ATOH8: variants seen among roughly 807,000 people sequenced by gnomAD.
ATOH8 encodes transcription factor ATOH8.
In ATOH8, 9 loss-of-function variants were observed where a neutral mutation model predicts 21.2. That is an observed-to-expected ratio of 0.42 (90% confidence interval 0.26 to 0.74). The LOEUF (loss-of-function observed/expected upper bound fraction) is 0.74. Ranked by LOEUF, ATOH8 falls within the 30% of genes least tolerant of loss-of-function variation. The probability of loss-of-function intolerance (pLI) is 0.24; values close to 1 mark genes in which losing one functional copy is unlikely to be tolerated. For synonymous variants in ATOH8, 253 were observed against 224.0 expected (o/e 1.13, Z -1.16); for missense variants, 524 against 470.9 (o/e 1.11, Z -1.04).
chr2:85,767,123 C>T (rs144493554), intron 2 of ATOH8, among the ~76,000 whole-genome samples: 7 of 89,802 alleles, frequency 7.8e-5, no homozygotes, highest in Admixed American at 3.7e-4. Flanking sequence ...GGAACCTCAC[C>T]GGTTTTATTT....
At position 85,764,052 on chromosome 2, in the gene ATOH8, A is replaced by G. The variant is rs1163461300; in HGVS notation, c.830A>G (p.Asn277Ser). The change falls in exon 2 of 3, where the codon AAC (asparagine) becomes AGC (serine). Residue 277 changes from asparagine (N) to serine (S), a missense_variant. By Grantham distance (46) the Asn-to-Ser change is conservative. Transcript: ENST00000306279. ...CTGGCCATCCTGAGGATCGCCTGTA[A>G]CTACATCCTGTCCCTGGCGCGGCTG... The part of the protein sequence containing the change: ...SKLAILRIAC[N>S]YILSLARLAD... 6.2e-7 allele frequency: 1 copy of G among 1,614,146 alleles called. No individual in the cohort carries two copies. The highest frequency in any genetic ancestry group is 1.1e-5 in the South Asian group (1 of 91,068).
intron 2 of ATOH8, among the ~76,000 whole-genome samples, chr2:85,776,847 C>T (rs1385140109): frequency 6.6e-6 from 1 of 152,036 alleles, no homozygotes; most frequent in Non-Finnish European, 1.5e-5. Flanking sequence ...TCTGGAGAGC[C>T]GTGACCGGGC....
Position 85,764,162 on chromosome 2 carries a change from G to A in ATOH8, c.940G>A (p.Gly314Arg), listed in dbSNP as rs372989892. The part of the protein sequence containing the change: ...QRCTRTLQAE[G>R]RAKKRKE ...CTGCACCCGCACCCTGCAGGCCGAG[G>A]GACGTGCCAAGAAGCGCAAGGTATG... Residue 314 changes from glycine (G) to arginine (R), a missense_variant, in exon 2 of 3, where the codon GGA (glycine) becomes AGA (arginine). Physicochemically the swap from Gly to Arg is moderately radical, Grantham distance 125 (BLOSUM62 -2). Coordinates refer to ENST00000306279, the MANE Select transcript of ATOH8 (RefSeq NM_032827.7). The A allele has an allele frequency of 9.9e-6, 16 of 1,614,016 alleles. No individual in the cohort carries two copies. The highest frequency in any genetic ancestry group is 4.2e-6 in the Non-Finnish European group (5 of 1,180,040).
intron 1 of ATOH8, among the ~76,000 whole-genome samples, chr2:85,757,724 TGAGAA>T (rs2104495601): frequency 6.6e-6 from 1 of 152,196 alleles, no homozygotes; most frequent in African/African-American, 2.4e-5. Context: ...CATCCAGTGT[TGAGAA>T]GAGAAAGTGA....
chr2:85,781,166 T>C (rs1337300099), intron 2 of ATOH8: 1 of 779,304 alleles, frequency 1.3e-6, no homozygotes, highest in Non-Finnish European at 1.6e-6. Context: ...AAATACTGTA[T>C]GTGAGTACGC....
intron 2 of ATOH8, chr2:85,773,819 G>T (rs1680256142): frequency 6.6e-6 from 1 of 152,572 alleles, no homozygotes; most frequent in South Asian, 2.1e-4. Context: ...CAGTTAGAGA[G>T]ATGGCAGCTC....
chr2:85,764,059 C>T lies in ATOH8; in HGVS notation c.837C>T (p.Ile279=), dbSNP rs541634572. ...TCCTGAGGATCGCCTGTAACTACAT[C>T]CTGTCCCTGGCGCGGCTGGCTGACC... ...LAILRIACNY[I]LSLARLADLD... The change falls in exon 2 of 3, where the codon ATC becomes ATT. Residue 279 remains isoleucine (I), a synonymous_variant. Coordinates refer to ENST00000306279, the MANE Select transcript of ATOH8 (RefSeq NM_032827.7). 10 of 1,614,224 alleles carry T rather than the reference C, an allele frequency of 6.2e-6. No individual in the cohort carries two copies. The Admixed American group carries it at 1.3e-4, about 22-fold the overall frequency.
chr2:85,756,235 C>T (rs1270176258), intron 1 of ATOH8, among the ~76,000 whole-genome samples: 1 of 152,072 alleles, frequency 6.6e-6, no homozygotes, highest in Non-Finnish European at 1.5e-5. Context: ...TGGGCCTCTG[C>T]CCTCATCCAC....
chr2:85,768,339 A>C (rs1680081554), intron 2 of ATOH8, among the ~76,000 whole-genome samples: 1 of 151,994 alleles, frequency 6.6e-6, no homozygotes, highest in Non-Finnish European at 1.5e-5. Flanking sequence ...CTTCACAGTC[A>C]CCCTCCTGGC....
intron 1 of ATOH8, among the ~76,000 whole-genome samples, chr2:85,761,514 G>A (rs1679871177): frequency 6.6e-6 from 1 of 152,130 alleles, no homozygotes; most frequent in Admixed American, 6.5e-5. Flanking sequence ...GTCACTTTGT[G>A]GTCCTACAGT....
At chr2:85,782,418 C>A (rs868553163) in intron 2 of ATOH8, among the ~76,000 whole-genome samples, 1 of 152,004 alleles carries the variant, frequency 6.6e-6, no homozygotes, top group Non-Finnish European at 1.5e-5. Flanking sequence ...AATTACCCTG[C>A]AGTGCACAGA....
At chr2:85,776,497 A>G (rs1680325107) in intron 2 of ATOH8, among the ~76,000 whole-genome samples, 1 of 152,246 alleles carries the variant, frequency 6.6e-6, no homozygotes, top group Non-Finnish European at 1.5e-5. Flanking sequence ...CCCATCAGGA[A>G]GGTGGGCAGA....
chr2:85,767,531 G>T (rs1032520277), intron 2 of ATOH8, among the ~76,000 whole-genome samples: 2 of 138,038 alleles, frequency 1.4e-5, no homozygotes, highest in African/African-American at 5.5e-5. Context: ...GCAAGAGATG[G>T]GAATCTCAAA....
At chr2:85,762,861 C>T (rs2104504058) in intron 1 of ATOH8, among the ~76,000 whole-genome samples, 3 of 152,206 alleles carry the variant, frequency 2.0e-5, no homozygotes, top group Admixed American at 2.0e-4. Context: ...CCCTGCAATG[C>T]CCCCACTCCC....
chr2:85,779,055 C>T (rs1265449515), intron 2 of ATOH8, among the ~76,000 whole-genome samples: 1 of 151,666 alleles, frequency 6.6e-6, no homozygotes, highest in Non-Finnish European at 1.5e-5. Context: ...CTCCTCCAGC[C>T]TGGGTGCCTC....
rs1054096899 is a variant in ATOH8 at position 85,788,465 on chromosome 2, T to C, written c.*1575T>C. 2.0e-5 allele frequency among the ~76,000 whole-genome samples: 3 copies of C among 152,152 alleles called. No individual in the cohort carries two copies. Among genetic ancestry groups the C allele is most frequent in the Admixed American group, 1.3e-4 (2 of 15,274 alleles). Reference sequence around the variant, plus strand: ...TGGGCTCACTTCAAATCCTGTGCTCTCAAACCTTTTCCAGCCCCATCACCA... The same window carrying C: ...TGGGCTCACTTCAAATCCTGTGCTCCCAAACCTTTTCCAGCCCCATCACCA... On this transcript the variant is annotated 3_prime_UTR_variant, in exon 3 of 3. Coordinates refer to ENST00000306279, the MANE Select transcript of ATOH8 (RefSeq NM_032827.7).
chr2:85,765,995 C>A (rs1680004741), intron 2 of ATOH8, among the ~76,000 whole-genome samples: 1 of 151,880 alleles, frequency 6.6e-6, no homozygotes, highest in African/African-American at 2.4e-5. Flanking sequence ...ATAGCACAGC[C>A]CCGAGTTCAA....
intron 2 of ATOH8, among the ~76,000 whole-genome samples, chr2:85,782,113 A>G (rs928380768): frequency 6.6e-6 from 1 of 152,148 alleles, no homozygotes. Context: ...CTCTCCTCCC[A>G]TGCCATATCT....
chr2:85,762,728 T>C (rs1679900498), intron 1 of ATOH8, among the ~76,000 whole-genome samples: 1 of 152,162 alleles, frequency 6.6e-6, no homozygotes, highest in African/African-American at 2.4e-5. Context: ...TTTTTCTCCA[T>C]GCTCTGGAAT....
Sources: allele counts gnomAD v4.1 joint callset (sites outside exome capture counted in the v4.1 genomes callset), GRCh38; gene constraint gnomAD v4.1.1; transcripts MANE v1.5; gene names NCBI Gene and HGNC (gene_info 2026-07-23, HGNC 2026-07-21).